LRRC4C: variants seen among roughly 807,000 people sequenced by gnomAD.
LRRC4C encodes the protein leucine rich repeat containing 4C.
LRRC4C carries 5 observed loss-of-function variants against 33.6 expected under a neutral mutation model. The ratio of observed to expected loss-of-function variants is 0.15; its 90% CI spans 0.08 to 0.31. LRRC4C has a LOEUF of 0.31. Among genes scored for constraint, LRRC4C ranks in the 10% least tolerant of loss-of-function variants. The pLI is 1.00. For synonymous variants in LRRC4C, 329 were observed against 302.0 expected, an observed-to-expected ratio of 1.09 and a Z score of -0.93; for missense variants, 560 against 796.7, an observed-to-expected ratio of 0.70 and a Z score of 3.58.
At chr11:40,207,246 C>T (rs1863228064) in intron 5 of LRRC4C, among the ~76,000 whole-genome samples, 1 of 152,122 alleles carries the variant, frequency 6.6e-6, no homozygotes, top group South Asian at 2.1e-4. Context: ...GGAATATAAA[C>T]ACAGTTACAG....
intron 1 of LRRC4C, among the ~76,000 whole-genome samples, chr11:41,187,587 C>T (rs895775464): frequency 2.0e-4 from 30 of 152,202 alleles, no homozygotes; most frequent in African/African-American, 7.0e-4. Context: ...TTTCTCCAAG[C>T]CCACGTGTTA....
intron 2 of LRRC4C, among the ~76,000 whole-genome samples, chr11:40,753,604 G>T (rs553727060): frequency 1.1e-4 from 17 of 149,118 alleles, no homozygotes; most frequent in Non-Finnish European, 2.5e-4. Context: ...GCAGTGGTGC[G>T]ATCTGGGCTC....
chr11:40,811,208 G>A (rs1951474186), intron 2 of LRRC4C, among the ~76,000 whole-genome samples: 2 of 151,738 alleles, frequency 1.3e-5, no homozygotes, highest in South Asian at 2.1e-4. Flanking sequence ...CACTTCAAAT[G>A]TGACCTTCTA....
At chr11:40,736,545 G>T (rs563724717) in intron 2 of LRRC4C, among the ~76,000 whole-genome samples, 1 of 151,942 alleles carries the variant, frequency 6.6e-6, no homozygotes, top group Non-Finnish European at 1.5e-5. Flanking sequence ...GACATTGCTG[G>T]GTCAAATGGC....
intron 3 of LRRC4C, among the ~76,000 whole-genome samples, chr11:40,522,008 G>C (rs987615474): frequency 6.6e-6 from 1 of 152,178 alleles, no homozygotes; most frequent in Non-Finnish European, 1.5e-5. Context: ...CTAAAAAGAT[G>C]TATTAACACC....
At chr11:40,350,210 G>A (rs1210712289) in intron 3 of LRRC4C, among the ~76,000 whole-genome samples, 1 of 152,022 alleles carries the variant, frequency 6.6e-6, no homozygotes, top group Admixed American at 6.6e-5. Context: ...TCTTTTAGTA[G>A]TTTCATAGCT....
At chr11:40,536,472 G>A (rs1431314680) in intron 3 of LRRC4C, among the ~76,000 whole-genome samples, 1 of 152,162 alleles carries the variant, frequency 6.6e-6, no homozygotes, top group Non-Finnish European at 1.5e-5. Flanking sequence ...GATTACAGGC[G>A]TGAGCCACCG....
intron 3 of LRRC4C, among the ~76,000 whole-genome samples, chr11:40,553,738 T>A (rs968318699): frequency 7.2e-5 from 11 of 152,200 alleles, no homozygotes; most frequent in African/African-American, 2.7e-4. Context: ...TATATTCTTT[T>A]AAGTATCCGT....
At chr11:40,690,877 A>G (rs565890425) in intron 2 of LRRC4C, among the ~76,000 whole-genome samples, 4 of 152,156 alleles carry the variant, frequency 2.6e-5, no homozygotes, top group South Asian at 2.1e-4. Flanking sequence ...ATCTCAAACC[A>G]TAAAAACTTA....
At chr11:40,282,391 T>G (rs567950691) in intron 4 of LRRC4C, among the ~76,000 whole-genome samples, 1 of 151,970 alleles carries the variant, frequency 6.6e-6, no homozygotes, top group Non-Finnish European at 1.5e-5. Context: ...AAAACTTCCC[T>G]GGCATACCTT....
At chr11:41,298,151 T>C (rs764508324) in intron 1 of LRRC4C, among the ~76,000 whole-genome samples, 90 of 152,206 alleles carry the variant, frequency 5.9e-4, no homozygotes, top group Non-Finnish European at 1.2e-3. Context: ...ACTTCCCATC[T>C]TCCTGCTCAG....
intron 2 of LRRC4C, among the ~76,000 whole-genome samples, chr11:40,757,744 C>T (rs952824818): frequency 2.0e-5 from 3 of 151,838 alleles, no homozygotes; most frequent in Non-Finnish European, 4.4e-5. Context: ...TCAAGGGATG[C>T]TAAACATCTT....
At chr11:40,630,938 A>G (rs902950630) in intron 3 of LRRC4C, among the ~76,000 whole-genome samples, 18 of 152,218 alleles carry the variant, frequency 1.2e-4, no homozygotes, top group African/African-American at 2.4e-5. Flanking sequence ...GTTTCTGTGC[A>G]TCTTAAACAG....
intron 3 of LRRC4C, among the ~76,000 whole-genome samples, chr11:40,369,018 C>T (rs887323720): frequency 3.3e-5 from 5 of 152,126 alleles, no homozygotes; most frequent in African/African-American, 1.2e-4. Context: ...AATGAGATAA[C>T]AAGATAATGG....
intron 1 of LRRC4C, among the ~76,000 whole-genome samples, chr11:40,987,969 CAGCTG>C (rs1389753734): frequency 6.6e-6 from 1 of 151,942 alleles, no homozygotes; most frequent in Admixed American, 6.6e-5. Flanking sequence ...TTAAAAAACC[CAGCTG>C]AACTCTTTGT....
intron 1 of LRRC4C, among the ~76,000 whole-genome samples, chr11:40,994,924 A>C (rs2137297990): frequency 6.6e-6 from 1 of 152,124 alleles, no homozygotes; most frequent in East Asian, 1.9e-4. Context: ...AATCAACAGG[A>C]CCAGAAACTT....
chr11:40,466,490 C>T (rs1435545920), intron 3 of LRRC4C, among the ~76,000 whole-genome samples: 1 of 151,600 alleles, frequency 6.6e-6, no homozygotes, highest in Non-Finnish European at 1.5e-5. Flanking sequence ...TAAAGGCAGG[C>T]AGTTAATAAT....
intron 3 of LRRC4C, among the ~76,000 whole-genome samples, chr11:40,636,447 G>A (rs890754532): frequency 6.6e-6 from 1 of 152,062 alleles, no homozygotes; most frequent in Admixed American, 6.6e-5. Context: ...CAAAGACATT[G>A]GTAATGGTAT....
intron 2 of LRRC4C, among the ~76,000 whole-genome samples, chr11:40,804,458 G>C (rs1037166336): frequency 6.6e-6 from 1 of 152,118 alleles, no homozygotes; most frequent in Non-Finnish European, 1.5e-5. Context: ...CCACCTAATT[G>C]AAGTAGTTTC....
Sources: gnomAD v4.1 joint callset for allele counts (sites outside exome capture counted in the v4.1 genomes callset) on GRCh38, gnomAD v4.1.1 for gene constraint, MANE v1.5 for transcripts, NCBI Gene and HGNC (gene_info 2026-07-23, HGNC 2026-07-21) for gene names.